SPAG16: variants seen among roughly 807,000 people sequenced by gnomAD.
SPAG16 encodes the protein sperm-associated antigen 16 protein.
In SPAG16, 86 loss-of-function variants were observed where a neutral mutation model predicts 80.4. That is an observed-to-expected ratio of 1.07 (90% CI 0.90 to 1.28). The LOEUF (loss-of-function observed/expected upper bound fraction) is 1.28, where lower values mean the gene tolerates loss of function less well. Ranked by LOEUF, SPAG16 falls within the 50% of genes most tolerant of loss-of-function variation. The pLI is 0.00. For missense variants in SPAG16, 870 were observed against 765.3 expected, an observed-to-expected ratio of 1.14 and a Z score of -1.61; for synonymous variants, 294 against 265.9, an observed-to-expected ratio of 1.11 and a Z score of -1.03.
chr2:213,335,706 C>T (rs555068655), intron 5 of SPAG16, among the ~76,000 whole-genome samples: 109 of 152,052 alleles, frequency 7.2e-4, no homozygotes, highest in Admixed American at 1.1e-3. Context: ...ATTTCTTGCA[C>T]GTATAAGATT....
chr2:213,410,197 CTCTT>C (rs2068884404), intron 9 of SPAG16, among the ~76,000 whole-genome samples: 2 of 152,172 alleles, frequency 1.3e-5, no homozygotes, highest in South Asian at 4.1e-4. Flanking sequence ...AAATTTAACT[CTCTT>C]TCATCTATTC....
intron 11 of SPAG16, among the ~76,000 whole-genome samples, chr2:213,880,360 T>C (rs773849248): frequency 1.9e-4 from 29 of 152,218 alleles, no homozygotes; most frequent in Non-Finnish European, 3.1e-4. Context: ...AAGTTCCTTG[T>C]AGATTCTGTA....
intron 10 of SPAG16, among the ~76,000 whole-genome samples, chr2:213,826,861 T>C (rs991120246): frequency 6.6e-6 from 1 of 152,018 alleles, no homozygotes; most frequent in African/African-American, 2.4e-5. Context: ...TATTTTTATA[T>C]TGGAGTCTAT....
At chr2:214,093,635 A>G (rs1441458467) in intron 13 of SPAG16, among the ~76,000 whole-genome samples, 3 of 151,944 alleles carry the variant, frequency 2.0e-5, no homozygotes, top group Non-Finnish European at 4.4e-5. Context: ...GGGGTTTTTT[A>G]ACAGCCATAT....
intron 10 of SPAG16, among the ~76,000 whole-genome samples, chr2:213,597,775 A>G (rs142731418): frequency 0.01 from 1,530 of 152,250 alleles, 11 homozygotes; most frequent in South Asian, 0.02. Flanking sequence ...TGCCCCCCCA[A>G]AAACTTCTCT....
chr2:214,354,431 A>C (rs185898318), intron 15 of SPAG16, among the ~76,000 whole-genome samples: 1 of 152,126 alleles, frequency 6.6e-6, no homozygotes. Context: ...GTCAGGTAGC[A>C]TGATGCCTCC....
chr2:214,260,279 G>T (rs1400352864), intron 15 of SPAG16, among the ~76,000 whole-genome samples: 6 of 151,878 alleles, frequency 4.0e-5, no homozygotes, highest in African/African-American at 1.5e-4. Context: ...ACTTATCCAG[G>T]CAACTAAATA....
At chr2:213,580,179 G>A (rs2060256519) in intron 10 of SPAG16, among the ~76,000 whole-genome samples, 1 of 151,362 alleles carries the variant, frequency 6.6e-6, no homozygotes, top group African/African-American at 2.4e-5. Context: ...CTGAAATGCA[G>A]GAGACAAAGA....
Position 214,177,922 on chromosome 2 carries a change from T to TATATAC in SPAG16, c.1720+28661_1720+28662insCATATA, listed in dbSNP as rs1177268283. Among the ~76,000 whole-genome samples, 61 of 133,254 alleles carry TATATAC rather than the reference T, an allele frequency of 4.6e-4. 1 individual carries two copies. Among genetic ancestry groups the TATATAC allele is most frequent in the Non-Finnish European group, 6.8e-4 (43 of 62,798 alleles). 87.4% of individuals were successfully genotyped at this position (133,254 alleles called of 152,430 possible). A position where few individuals can be genotyped will look rare whatever the true frequency, so the allele number is the denominator to read the frequency against. On this transcript the variant is annotated intron_variant, in intron 15 of 15. Transcript: ENST00000331683. ...ATACATATATATATATATACATATA[T>TATATAC]ATATATATATATGGCCAGAATTGTT...
intron 4 of SPAG16, among the ~76,000 whole-genome samples, chr2:213,311,579 A>G (rs1227440945): frequency 6.6e-6 from 1 of 151,680 alleles, no homozygotes; most frequent in African/African-American, 2.4e-5. Context: ...CTCCCAAACT[A>G]AGCATACTAG....
intron 15 of SPAG16, among the ~76,000 whole-genome samples, chr2:214,328,124 C>T (rs1366054460): frequency 6.6e-6 from 1 of 151,240 alleles, no homozygotes; most frequent in Non-Finnish European, 1.5e-5. Flanking sequence ...TGTTCATGAG[C>T]ATGAGTTAAT....
At chr2:214,150,649 T>G (rs985802704) in intron 15 of SPAG16, among the ~76,000 whole-genome samples, 1 of 152,088 alleles carries the variant, frequency 6.6e-6, no homozygotes, top group Non-Finnish European at 1.5e-5. Flanking sequence ...TTCATGTCTT[T>G]GAATTTTGAA....
intron 15 of SPAG16, among the ~76,000 whole-genome samples, chr2:214,247,979 G>A (rs1210273559): frequency 1.3e-5 from 2 of 151,880 alleles, no homozygotes; most frequent in Non-Finnish European, 2.9e-5. Flanking sequence ...AGTGTGCCAT[G>A]ATCACACTAT....
At chr2:214,138,595 T>G (rs1420360932) in intron 14 of SPAG16, among the ~76,000 whole-genome samples, 2 of 152,142 alleles carry the variant, frequency 1.3e-5, no homozygotes, top group African/African-American at 4.8e-5. Flanking sequence ...ACTGAGCAGT[T>G]GGCAACTGGC....
Position 213,382,047 on chromosome 2 carries a change from GT to G in SPAG16, c.942+6940del, listed in dbSNP as rs749595993. On this transcript the variant is annotated intron_variant, in intron 9 of 15. Transcript: ENST00000331683. ...ACAAACCTGTATGGAAATCAGGCTAGTTTTTTTTTTTTAATCCATTCTCTGA... is the reference window on the plus strand; with the variant it reads ...ACAAACCTGTATGGAAATCAGGCTAGTTTTTTTTTTTAATCCATTCTCTGA... 6.7e-4 allele frequency among the ~76,000 whole-genome samples: 98 copies of G among 145,584 alleles called. 2 individuals carry two copies. Among genetic ancestry groups the G allele is most frequent in the Middle Eastern group, 3.6e-3 (1 of 276 alleles).
intron 12 of SPAG16, among the ~76,000 whole-genome samples, chr2:213,941,024 C>T (rs2079177227): frequency 6.6e-6 from 1 of 152,052 alleles, no homozygotes; most frequent in Non-Finnish European, 1.5e-5. Flanking sequence ...TGATTGTTCA[C>T]CTTCTCTTGA....
intron 11 of SPAG16, among the ~76,000 whole-genome samples, chr2:213,893,454 C>A (rs1462108753): frequency 2.0e-5 from 3 of 152,106 alleles, no homozygotes; most frequent in African/African-American, 7.2e-5. Context: ...GCAATTCACT[C>A]ATAACTCTAG....
intron 11 of SPAG16, among the ~76,000 whole-genome samples, chr2:213,916,706 T>C (rs1023430345): frequency 6.6e-6 from 1 of 152,156 alleles, no homozygotes; most frequent in African/African-American, 2.4e-5. Context: ...CAATGTGAGA[T>C]TTGGGTGGAC....
chr2:214,250,187 A>G (rs546758017), intron 15 of SPAG16: 16 of 152,286 alleles, frequency 1.1e-4, no homozygotes, highest in African/African-American at 3.8e-4. Flanking sequence ...GTCTGTAAAG[A>G]GAGGAACACT....
Sources: allele counts gnomAD v4.1 joint callset (sites outside exome capture counted in the v4.1 genomes callset), GRCh38; gene constraint gnomAD v4.1.1; transcripts MANE v1.5; gene names NCBI Gene and HGNC (gene_info 2026-07-23, HGNC 2026-07-21).